Variants in MAN2A1 observed in about 807,000 individuals in gnomAD.
MAN2A1 encodes the protein mannosidase alpha class 2A member 1, also known as alpha-mannosidase 2.
In MAN2A1, 76 loss-of-function variants were observed where a neutral mutation model predicts 142.6. That is an observed-to-expected ratio of 0.53 (90% CI 0.44 to 0.65). The LOEUF is 0.65. Among genes scored for constraint, MAN2A1 ranks in the 30% least tolerant of loss-of-function variants. The pLI, the probability that MAN2A1 is intolerant of heterozygous loss-of-function variation, is 0.00. For synonymous variants in MAN2A1, 559 were observed against 473.2 expected (o/e 1.18, Z -2.35); for missense variants, 1,311 against 1,365.1 (o/e 0.96, Z 0.62).
chr5:109,834,193 C>G (rs993109518), intron 16 of MAN2A1, among the ~76,000 whole-genome samples: 9 of 152,132 alleles, frequency 5.9e-5, no homozygotes, highest in Non-Finnish European at 5.9e-5. Flanking sequence ...ATGTGCAGAT[C>G]AAATATCATG....
At chr5:109,751,454 A>G (rs753538945) in intron 4 of MAN2A1, among the ~76,000 whole-genome samples, 5 of 152,134 alleles carry the variant, frequency 3.3e-5, no homozygotes, top group Non-Finnish European at 7.4e-5. Context: ...GTGCTGCAAT[A>G]AACATGAGAG....
chr5:109,702,876 T>A (rs1365281287), intron 1 of MAN2A1, among the ~76,000 whole-genome samples: 2 of 152,342 alleles, frequency 1.3e-5, no homozygotes, highest in African/African-American at 4.8e-5. Flanking sequence ...TGGATTTTTA[T>A]AAAGAAAGGC....
chr5:109,717,912 G>A (rs930334659), intron 3 of MAN2A1, among the ~76,000 whole-genome samples: 2 of 152,116 alleles, frequency 1.3e-5, no homozygotes, highest in Non-Finnish European at 2.9e-5. Flanking sequence ...TTGCATTTAG[G>A]GGATGCATAT....
At chr5:109,775,279 G>A (rs1753253876) in intron 8 of MAN2A1, among the ~76,000 whole-genome samples, 2 of 151,918 alleles carry the variant, frequency 1.3e-5, no homozygotes, top group African/African-American at 4.8e-5. Context: ...GTTTTGTTTT[G>A]TTTTGTTTTT....
chr5:109,864,477 G>T (rs948722094), intron 20 of MAN2A1: 5 of 152,186 alleles, frequency 3.3e-5, no homozygotes, highest in African/African-American at 1.2e-4. Context: ...TGGTAAATGT[G>T]AGCTGGCCTA....
chr5:109,750,707 A>G (rs745912405), intron 4 of MAN2A1, among the ~76,000 whole-genome samples: 2 of 152,106 alleles, frequency 1.3e-5, no homozygotes, highest in Non-Finnish European at 2.9e-5. Flanking sequence ...TTGAAATATG[A>G]ATCCCTTGGC....
At chr5:109,747,390 T>C (rs1453846971) in intron 4 of MAN2A1, among the ~76,000 whole-genome samples, 1 of 152,190 alleles carries the variant, frequency 6.6e-6, no homozygotes, top group East Asian at 1.9e-4. Context: ...ATTATAAACA[T>C]TTATGAATTT....
intron 12 of MAN2A1, among the ~76,000 whole-genome samples, chr5:109,804,776 A>G (rs190672079): frequency 2.8e-4 from 43 of 152,314 alleles, no homozygotes; most frequent in African/African-American, 9.4e-4. Context: ...AACCTCACAC[A>G]GGATAGATTT....
Position 109,820,251 on chromosome 5 carries a change from A to T in MAN2A1, c.2360A>T (p.His787Leu), listed in dbSNP as rs749845970. 1 of 1,610,744 alleles carries T rather than the reference A, an allele frequency of 6.2e-7. No homozygotes were observed. Among genetic ancestry groups the T allele is most frequent in the Non-Finnish European group, 8.5e-7 (1 of 1,177,462 alleles). ...QMMTKEDGKH[H>L]EVNVQFSWYG... ...ATGACTAAAGAAGATGGTAAACACC[A>T]TGAAGTAAATGTGCAATTTTCATGG... Residue 787 changes from histidine to leucine, a missense_variant, in exon 15 of 22, where the codon CAT becomes CTT. By Grantham distance (99) the His-to-Leu change is moderately conservative. Coordinates refer to ENST00000261483, the MANE Select transcript of MAN2A1 (RefSeq NM_002372.4).
intron 18 of MAN2A1, among the ~76,000 whole-genome samples, chr5:109,847,172 C>T (rs1385053571): frequency 6.6e-6 from 1 of 152,144 alleles, no homozygotes; most frequent in Non-Finnish European, 1.5e-5. Context: ...GCCTTAAATT[C>T]TCAAAGCTGT....
intron 16 of MAN2A1, among the ~76,000 whole-genome samples, chr5:109,824,760 A>T (rs1359543967): frequency 6.6e-6 from 1 of 152,196 alleles, no homozygotes; most frequent in Non-Finnish European, 1.5e-5. Context: ...AAGCAAAGGG[A>T]TACTATGTTC....
chr5:109,752,281 C>A (rs555562513), intron 4 of MAN2A1, among the ~76,000 whole-genome samples: 20 of 152,264 alleles, frequency 1.3e-4, no homozygotes, highest in African/African-American at 4.6e-4. Flanking sequence ...TTCTGACTGA[C>A]CTTTCTCTTT....
chr5:109,820,419 CATT>C (rs1754592690), intron 15 of MAN2A1, 77 bp downstream of exon 15: 1 of 1,357,976 alleles, frequency 7.4e-7, no homozygotes, highest in African/African-American at 1.5e-5. Context: ...AAGTGAGTGT[CATT>C]ATTTTATCAT....
At chr5:109,755,842 A>G (rs1256312508) in intron 5 of MAN2A1, among the ~76,000 whole-genome samples, 1 of 152,048 alleles carries the variant, frequency 6.6e-6, no homozygotes, top group Non-Finnish European at 1.5e-5. Context: ...CGGTAGCTTC[A>G]GGTATTGCTG....
chr5:109,710,002 G>A (rs1751250570), intron 1 of MAN2A1, among the ~76,000 whole-genome samples: 1 of 152,126 alleles, frequency 6.6e-6, no homozygotes, highest in Admixed American at 6.5e-5. Flanking sequence ...TCTGTCACAT[G>A]TACAGAATTT....
Position 109,819,873 on chromosome 5 carries a change from A to T in MAN2A1, c.2314A>T (p.Thr772Ser). Reference sequence around the variant, plus strand: ...CTTTGTTTTACTTCGGTTTGATCAAACTGGACTTATGAAGGTATGTTCTGA... The same window carrying T: ...CTTTGTTTTACTTCGGTTTGATCAATCTGGACTTATGAAGGTATGTTCTGA... Reference protein sequence around the residue: ...NSFVLLRFDQTGLMKQMMTKE... With the variant: ...NSFVLLRFDQSGLMKQMMTKE... The change falls in exon 14 of 22, where the codon ACT (threonine) becomes TCT (serine). Residue 772 changes from threonine (T) to serine (S), a missense_variant. Transcript: ENST00000261483. 2 of 1,589,826 alleles carry T rather than the reference A, an allele frequency of 1.3e-6. No individual in the cohort carries two copies. Among genetic ancestry groups the T allele is most frequent in the Non-Finnish European group, 1.7e-6 (2 of 1,168,440 alleles).
intron 17 of MAN2A1, among the ~76,000 whole-genome samples, chr5:109,843,384 C>G (rs1354749129): frequency 1.3e-5 from 2 of 152,136 alleles, no homozygotes; most frequent in Non-Finnish European, 2.9e-5. Flanking sequence ...CCCCCATGAT[C>G]TAGTCTCTGC....
chr5:109,760,186 C>G (rs1752805024), intron 5 of MAN2A1, among the ~76,000 whole-genome samples: 1 of 152,026 alleles, frequency 6.6e-6, no homozygotes, highest in South Asian at 2.1e-4. Context: ...CTCTCTGTGT[C>G]CATGTGTTCT....
chr5:109,826,093 A>G (rs566235861), intron 16 of MAN2A1, among the ~76,000 whole-genome samples: 3 of 151,020 alleles, frequency 2.0e-5, no homozygotes, highest in East Asian at 2.0e-4. Context: ...TTTAGTAGGG[A>G]TGGGGTTTCG....
Sources: allele counts gnomAD v4.1 joint callset (sites outside exome capture counted in the v4.1 genomes callset), GRCh38; gene constraint gnomAD v4.1.1; transcripts MANE v1.5; gene names NCBI Gene and HGNC (gene_info 2026-07-23, HGNC 2026-07-21).